Variants in ATP8A2 observed in about 807,000 individuals in gnomAD.
ATP8A2 encodes phospholipid-transporting ATPase IB.
Under a neutral mutation model 165.6 loss-of-function variants are expected in ATP8A2, and 100 were observed. That is an observed-to-expected ratio of 0.60 (90% CI 0.51 to 0.71). The LOEUF (loss-of-function observed/expected upper bound fraction) is 0.71, where lower values mean the gene tolerates loss of function less well. ATP8A2 is among the 30% of genes least tolerant of loss of function. ATP8A2 has a pLI of 0.00. For missense variants in ATP8A2, 1,227 were observed against 1,479.5 expected, an observed-to-expected ratio of 0.83 and a Z score of 2.80; for synonymous variants, 543 against 548.8, an observed-to-expected ratio of 0.99 and a Z score of 0.15.
chr13:25,611,244 T>C lies in ATP8A2; in HGVS notation c.2211+21545T>C, dbSNP rs2040678647. Among the ~76,000 whole-genome samples the C allele has an allele frequency of 2.0e-5, 3 of 152,110 alleles. No individual in the cohort carries two copies. The South Asian group carries it at 6.2e-4, about 31-fold the overall frequency. On this transcript the variant is annotated intron_variant, in intron 24 of 36. Coordinates refer to ENST00000381655, the MANE Select transcript of ATP8A2 (RefSeq NM_016529.6). ...GTTCCAGTTCTCAGGGGGAATGCTT[T>C]CAACTTTTCTCCATTTGGTATAATA... is the stretch of plus-strand genomic sequence containing the variant.
At chr13:25,431,462 T>G (rs2034609678) in intron 1 of ATP8A2, among the ~76,000 whole-genome samples, 1 of 152,126 alleles carries the variant, frequency 6.6e-6, no homozygotes, top group African/African-American at 2.4e-5. Flanking sequence ...CTAAACAGAT[T>G]TTAATTGATG....
rs557094646 is a variant in ATP8A2, at chr13:25,959,896, G to A, written c.3184-1679G>A. ...ATGAATTCTGAGAGATGTAATTGATGGGGCAAAATGTACTCACACATTTTT... is the reference window on the plus strand; with the variant it reads ...ATGAATTCTGAGAGATGTAATTGATAGGGCAAAATGTACTCACACATTTTT... On this transcript the variant is annotated intron_variant, in intron 33 of 36. Transcript: ENST00000381655. Among the ~76,000 whole-genome samples the A allele has an allele frequency of 5.9e-5, 9 of 152,272 alleles. No homozygotes were observed. The South Asian group carries it at 1.9e-3, about 32-fold the overall frequency.
chr13:25,839,837 A>G (rs1418223959), intron 30 of ATP8A2, among the ~76,000 whole-genome samples: 3 of 152,172 alleles, frequency 2.0e-5, no homozygotes, highest in East Asian at 3.9e-4. Flanking sequence ...TTTTCTTTCC[A>G]GTTGACTGGA....
chr13:25,836,149 G>A (rs952203982), intron 28 of ATP8A2, among the ~76,000 whole-genome samples: 22 of 150,652 alleles, frequency 1.5e-4, no homozygotes, highest in Non-Finnish European at 2.1e-4. Flanking sequence ...TAAACTGGTT[G>A]CTGTGAATCT....
intron 24 of ATP8A2, among the ~76,000 whole-genome samples, chr13:25,608,018 A>T (rs958069678): frequency 5.3e-5 from 8 of 152,242 alleles, no homozygotes; most frequent in Admixed American, 2.0e-4. Flanking sequence ...GAATCCTCAG[A>T]GTAGGACAAA....
chr13:25,655,036 T>C (rs2041897289), intron 24 of ATP8A2, among the ~76,000 whole-genome samples: 2 of 152,230 alleles, frequency 1.3e-5, no homozygotes, highest in African/African-American at 4.8e-5. Context: ...AGTGTTTTTT[T>C]ACAAGTGGTT....
rs150853214 is a variant in ATP8A2 at position 25,910,674 on chromosome 13, T to C, written c.3183+48266T>C. ...TCTACTAGAACCTGATGAAAGTGTT[T>C]TTGTTTTCCAGTTAGGAAAACACGC... On this transcript the variant is annotated intron_variant, in intron 33 of 36. Transcript: ENST00000381655. Among the ~76,000 whole-genome samples, 84 of 152,316 alleles carry C rather than the reference T, an allele frequency of 5.5e-4. 1 individual carries two copies. Among genetic ancestry groups the C allele is most frequent in the African/African-American group, 1.9e-3 (79 of 41,580 alleles).
intron 1 of ATP8A2, among the ~76,000 whole-genome samples, chr13:25,429,484 T>G (rs1399232334): frequency 6.6e-6 from 1 of 151,714 alleles, no homozygotes; most frequent in African/African-American, 2.4e-5. Flanking sequence ...AGGAAAATGG[T>G]CAGCTGGATG....
chr13:25,980,864 C>T (rs1956159915), intron 35 of ATP8A2, among the ~76,000 whole-genome samples: 1 of 152,092 alleles, frequency 6.6e-6, no homozygotes, highest in South Asian at 2.1e-4. Context: ...GCCTGGGCAA[C>T]ATAGCAAGAC....
At chr13:25,693,804 C>G (rs955434036) in intron 24 of ATP8A2, among the ~76,000 whole-genome samples, 30 of 152,186 alleles carry the variant, frequency 2.0e-4, no homozygotes, top group African/African-American at 7.0e-4. Context: ...ATTCTCCCAC[C>G]TCAGCCTCCC....
chr13:25,854,397 G>A (rs926198046), intron 30 of ATP8A2, among the ~76,000 whole-genome samples: 1 of 152,118 alleles, frequency 6.6e-6, no homozygotes, highest in Non-Finnish European at 1.5e-5. Context: ...GTGCAGTGGT[G>A]TGATCATAGC....
chr13:25,695,683 G>A (rs1433178436), intron 24 of ATP8A2, among the ~76,000 whole-genome samples: 2 of 152,168 alleles, frequency 1.3e-5, no homozygotes, highest in Non-Finnish European at 2.9e-5. Flanking sequence ...GCAACTCCTC[G>A]TTTATTCAAG....
intron 35 of ATP8A2, among the ~76,000 whole-genome samples, chr13:25,994,509 G>GT (rs1956457431): frequency 6.6e-6 from 1 of 152,044 alleles, no homozygotes; most frequent in Non-Finnish European, 1.5e-5. Context: ...CTAGCTGCAG[G>GT]TGTTTTTGTA....
chr13:25,997,116 C>T (rs1049184935), intron 35 of ATP8A2, among the ~76,000 whole-genome samples: 4 of 152,314 alleles, frequency 2.6e-5, no homozygotes, highest in Admixed American at 6.5e-5. Flanking sequence ...ACCGTGCCCC[C>T]ACCTTATAGG....
At chr13:25,452,881 G>T (rs2035266073) in intron 1 of ATP8A2, among the ~76,000 whole-genome samples, 1 of 151,938 alleles carries the variant, frequency 6.6e-6, no homozygotes, top group South Asian at 2.1e-4. Context: ...GATCACTTGA[G>T]GCCAGGTGTT....
At chr13:25,613,126 G>A (rs182988763) in intron 24 of ATP8A2, among the ~76,000 whole-genome samples, 32 of 152,162 alleles carry the variant, frequency 2.1e-4, no homozygotes, top group Admixed American at 4.6e-4. Context: ...TACATTCAAC[G>A]TTAGCATTGA....
rs56061502 is a variant in ATP8A2 at position 25,953,958 on chromosome 13, G to GT, written c.3184-7606dup. Among the ~76,000 whole-genome samples the GT allele has an allele frequency of 1.7e-4, 26 of 150,316 alleles. No homozygotes were observed. The highest frequency in any genetic ancestry group is 2.7e-4 in the Non-Finnish European group (18 of 67,514). On this transcript the variant is annotated intron_variant, in intron 33 of 36. Transcript: ENST00000381655. The surrounding 1 kb of genome is among the most constrained non-coding windows in gnomAD (Gnocchi z 6.7). ...GGCAGACACCGAGCTAGCTGCAGGA[G>GT]TTTTTTTTTTTCATACCCCAGTGGC... is the stretch of plus-strand genomic sequence containing the variant.
intron 27 of ATP8A2, among the ~76,000 whole-genome samples, chr13:25,807,784 T>C (rs1250283329): frequency 1.3e-5 from 2 of 152,198 alleles, no homozygotes; most frequent in African/African-American, 4.8e-5. Context: ...GTTACTTCTT[T>C]TCCTGTGCAC....
Position 25,538,075 on chromosome 13 carries a change from G to T in ATP8A2, c.581+14G>T, listed in dbSNP as rs770830768. ...GCTGTCATCCAGGTTAGCTGTGCTAGTAGGCACCTTTTTTGCAATAAATGT... is the reference window on the plus strand; with the variant it reads ...GCTGTCATCCAGGTTAGCTGTGCTATTAGGCACCTTTTTTGCAATAAATGT... On this transcript the variant is annotated intron_variant, in intron 7 of 36. Coordinates refer to ENST00000381655, the MANE Select transcript of ATP8A2 (RefSeq NM_016529.6). The T allele has an allele frequency of 6.2e-7, 1 of 1,607,960 alleles. No individual in the cohort carries two copies. Among genetic ancestry groups the T allele is most frequent in the East Asian group, 2.2e-5 (1 of 44,840 alleles).
Sources: allele counts gnomAD v4.1 joint callset (sites outside exome capture counted in the v4.1 genomes callset), GRCh38; gene constraint gnomAD v4.1.1; non-coding constraint Gnocchi (gnomAD v3.1); transcripts MANE v1.5; gene names NCBI Gene and HGNC (gene_info 2026-07-23, HGNC 2026-07-21).